THSD4: variants seen among roughly 807,000 people sequenced by gnomAD.
THSD4 encodes thrombospondin type 1 domain containing 4.
In THSD4, 69 loss-of-function variants were observed where a neutral mutation model predicts 119.0. That is an observed-to-expected ratio of 0.58 (90% CI 0.48 to 0.71). The LOEUF (loss-of-function observed/expected upper bound fraction) is 0.71. THSD4 is among the 30% of genes least tolerant of loss of function. The probability of loss-of-function intolerance (pLI) is 0.00; values close to 1 mark genes in which losing one functional copy is unlikely to be tolerated. For missense variants in THSD4, 1,393 were observed against 1,391.1 expected (o/e 1.00, Z -0.02); for synonymous variants, 524 against 540.4 (o/e 0.97, Z 0.42).
chr15:71,541,738 T>A (rs1018062986), intron 7 of THSD4, among the ~76,000 whole-genome samples: 1 of 152,210 alleles, frequency 6.6e-6, no homozygotes, highest in Non-Finnish European at 1.5e-5. Flanking sequence ...TTGGTGCTTA[T>A]GAACAATTTG....
intron 1 of THSD4, among the ~76,000 whole-genome samples, chr15:71,107,465 G>A (rs2040279061): frequency 6.6e-6 from 1 of 152,120 alleles, no homozygotes; most frequent in Admixed American, 6.6e-5. Context: ...AAAAAGAAAA[G>A]AAAGGAAAGA....
intron 3 of THSD4, among the ~76,000 whole-genome samples, chr15:71,200,793 G>T (rs1298830674): frequency 6.6e-6 from 1 of 152,158 alleles, no homozygotes; most frequent in African/African-American, 2.4e-5. Context: ...GGGATGCACA[G>T]AGTGAAAATA....
At chr15:71,665,475 TTGCTGTGCAGA>T (rs1283056008) in intron 8 of THSD4, among the ~76,000 whole-genome samples, 1 of 152,232 alleles carries the variant, frequency 6.6e-6, no homozygotes, top group African/African-American at 2.4e-5. Context: ...ACAGTTTCTT[TTGCTGTGCAGA>T]TGCTCTTAAG....
chr15:71,464,984 T>G (rs530715595), intron 7 of THSD4, among the ~76,000 whole-genome samples: 1 of 152,332 alleles, frequency 6.6e-6, no homozygotes, highest in African/African-American at 2.4e-5. Context: ...AAATGCACAT[T>G]TTAAACCTTC....
rs139021292 is a variant in THSD4, at chr15:71,695,777, A to C, written c.1358-32772A>C. Among the ~76,000 whole-genome samples the C allele has an allele frequency of 2.8e-4, 42 of 151,968 alleles. No individual in the cohort carries two copies. In the Middle Eastern group the frequency reaches 0.01, roughly 37 times the overall value. ...CCTTCAGAATCAGATTCAAATCTTGACTCTTCCTCATTGTTAGCTCTGTGA... is the reference window on the plus strand; with the variant it reads ...CCTTCAGAATCAGATTCAAATCTTGCCTCTTCCTCATTGTTAGCTCTGTGA... On this transcript the variant is annotated intron_variant, in intron 8 of 17. Coordinates refer to ENST00000261862, the MANE Select transcript of THSD4 (RefSeq NM_024817.3).
intron 8 of THSD4, among the ~76,000 whole-genome samples, chr15:71,679,264 G>A (rs981616373): frequency 1.3e-5 from 2 of 152,316 alleles, no homozygotes; most frequent in Middle Eastern, 3.4e-3. Context: ...GAGGCACCTG[G>A]GGGAGGTGGT....
At chr15:71,517,710 C>G (rs1053838363) in intron 7 of THSD4, among the ~76,000 whole-genome samples, 2 of 152,228 alleles carry the variant, frequency 1.3e-5, no homozygotes, top group East Asian at 3.8e-4. Context: ...CCATAACAAA[C>G]TAATTGCTTT....
At chr15:71,659,315 A>G (rs1442278003) in intron 7 of THSD4, among the ~76,000 whole-genome samples, 2 of 152,222 alleles carry the variant, frequency 1.3e-5, no homozygotes, top group Non-Finnish European at 2.9e-5. Flanking sequence ...ATGAGTCCCA[A>G]TTTTAGATTC....
At chr15:71,583,857 C>T (rs1360028538) in intron 7 of THSD4, among the ~76,000 whole-genome samples, 2 of 152,128 alleles carry the variant, frequency 1.3e-5, no homozygotes, top group Non-Finnish European at 2.9e-5. Context: ...TCTATGTGCT[C>T]TTGAGAAGAA....
At chr15:71,204,500 G>A (rs2043828369) in intron 3 of THSD4, among the ~76,000 whole-genome samples, 2 of 152,108 alleles carry the variant, frequency 1.3e-5, no homozygotes. Flanking sequence ...AAATGTAAGT[G>A]TGCTTCCAGG....
intron 1 of THSD4, among the ~76,000 whole-genome samples, chr15:71,097,707 T>A (rs1195408599): frequency 3.8e-5 from 4 of 105,776 alleles, no homozygotes; most frequent in Admixed American, 1.0e-4. Flanking sequence ...CACAGAAAGA[T>A]GTATATATAT....
chr15:71,426,365 CTGTGTGTGTGTGTG>C (rs199965138), intron 7 of THSD4, among the ~76,000 whole-genome samples: 8 of 102,494 alleles, frequency 7.8e-5, no homozygotes, highest in African/African-American at 2.4e-4. Flanking sequence ...GTAAGTATAG[CTGTGTGTGTGTGTG>C]TGTGTGTGTG....
chr15:71,344,196 G>A (rs545442969), intron 6 of THSD4, among the ~76,000 whole-genome samples: 33 of 151,964 alleles, frequency 2.2e-4, no homozygotes, highest in Non-Finnish European at 3.2e-4. Flanking sequence ...CCGCCACCAC[G>A]CCCGACTAAA....
intron 1 of THSD4, among the ~76,000 whole-genome samples, chr15:71,141,237 C>T (rs2141371219): frequency 6.6e-6 from 1 of 152,350 alleles, no homozygotes; most frequent in African/African-American, 2.4e-5. Flanking sequence ...TGAACATCTT[C>T]TGTGGGTCAG....
chr15:71,597,581 A>G (rs779455448), intron 7 of THSD4, among the ~76,000 whole-genome samples: 18 of 152,244 alleles, frequency 1.2e-4, no homozygotes, highest in Non-Finnish European at 1.9e-4. Flanking sequence ...AAAATCGTGT[A>G]TACAAAGAAA....
At chr15:71,660,459 A>G (rs903356666) in intron 7 of THSD4, 71 bp from the exon 8 acceptor site, 8 of 1,581,180 alleles carry the variant, frequency 5.1e-6, no homozygotes, top group Middle Eastern at 1.8e-4. Context: ...TTGCCCAGGG[A>G]TCTTCTCCCT....
At chr15:71,111,558 C>T (rs56957472), upstream of THSD4, 108,121 of 668,210 alleles carry the variant, frequency 0.16, 9,748 homozygotes, top group African/African-American at 0.3. Context: ...GTTTACCATG[C>T]CTCCCTTATT....
intron 6 of THSD4, among the ~76,000 whole-genome samples, chr15:71,295,516 T>TGGAG (rs1280667824): frequency 6.6e-6 from 1 of 152,196 alleles, no homozygotes; most frequent in Admixed American, 6.5e-5. Context: ...TTTCCTTTTG[T>TGGAG]GGAGACACAG....
chr15:71,197,757 C>CT (rs1273861592), intron 3 of THSD4, among the ~76,000 whole-genome samples: 1 of 152,108 alleles, frequency 6.6e-6, no homozygotes, highest in Non-Finnish European at 1.5e-5. Context: ...GTCAGGTTCT[C>CT]TGTTTCTCTG....
Sources: gnomAD v4.1 joint callset for allele counts (sites outside exome capture counted in the v4.1 genomes callset) on GRCh38, gnomAD v4.1.1 for gene constraint, MANE v1.5 for transcripts, NCBI Gene and HGNC (gene_info 2026-07-23, HGNC 2026-07-21) for gene names.